The following NLRP8 variants were observed in gnomAD, a reference collection of about 807,000 sequenced individuals.
NLRP8 encodes NACHT, LRR and PYD domains-containing protein 8.
A neutral mutation model predicts 88.7 loss-of-function variants in NLRP8; 86 were observed. The ratio of observed to expected loss-of-function variants is 0.97; its 90% confidence interval spans 0.81 to 1.16. The LOEUF is 1.16. NLRP8 is among the 50% of genes most tolerant of loss of function. The pLI is 0.00. For synonymous variants in NLRP8, 504 were observed against 494.6 expected (o/e 1.02, Z -0.25); for missense variants, 1,342 against 1,286.5 (o/e 1.04, Z -0.66).
chr19:55,953,273 C>A (rs543221456), intron 2 of NLRP8, among the ~76,000 whole-genome samples: 3 of 152,022 alleles, frequency 2.0e-5, no homozygotes, highest in African/African-American at 7.3e-5. Context: ...CATCGAGTTG[C>A]GGGAAAACAA....
In NLRP8 at chr19:55,987,828, G is replaced by A. The variant is rs771931664; in HGVS notation, c.3062G>A (p.Trp1021Ter). 8.1e-6 allele frequency: 13 copies of A among 1,613,648 alleles called. No homozygotes were observed. In the East Asian group the frequency reaches 2.5e-4, roughly 30 times the overall value. Residue 1021 changes from tryptophan to a stop codon, truncating the protein, a stop_gained, in exon 10 of 10, where the codon TGG becomes TAG. Coordinates refer to ENST00000291971, the MANE Select transcript of NLRP8 (RefSeq NM_176811.2). LOFTEE classifies it low-confidence loss of function (END_TRUNC). ...CCTCCCTCCAGCTGTATTCCTGCCT[G>A]GACTCGAATAACTAGCTTCTCCCCA...
rs1054409371 is a variant in NLRP8, at chr19:55,954,850, G to A, written c.792G>A (p.Trp264Ter). 1 of 1,614,180 alleles carries A rather than the reference G, an allele frequency of 6.2e-7. No homozygotes were observed. Residue 264 changes from tryptophan (W) to a stop codon, truncating the protein, a stop_gained, in exon 3 of 10, where the codon TGG becomes TGA. Coordinates refer to ENST00000291971, the MANE Select transcript of NLRP8 (RefSeq NM_176811.2). LOFTEE classifies it high-confidence loss of function. ...TCTCCGAGCTGATTGAGCAAAAGTG[G>A]CCTGGATCTCAGGACCTCGTGTCAA...
At chr19:55,957,927 T>C (rs1039582944) in intron 3 of NLRP8, among the ~76,000 whole-genome samples, 1 of 152,064 alleles carries the variant, frequency 6.6e-6, no homozygotes, top group African/African-American at 2.4e-5. Context: ...CACTGACTAC[T>C]CATTTCTTCA....
intron 7 of NLRP8, 117 bp from the exon 8 acceptor site, chr19:55,976,016 A>G: frequency 9.6e-7 from 1 of 1,046,478 alleles, no homozygotes. Flanking sequence ...AAACAAACAA[A>G]TAAAAACAGA....
rs1268701055 is a variant in NLRP8, at chr19:55,979,350, T to C, written c.2877-44T>C. On this transcript the variant is annotated intron_variant, in intron 8 of 9. Coordinates refer to ENST00000291971, the MANE Select transcript of NLRP8 (RefSeq NM_176811.2). ...ACACCGGCTGAGCTCTCAGATGAGT[T>C]GTGATGACTTCTCTGCTGTCTGCTG... 4 of 1,607,068 alleles carry C rather than the reference T, an allele frequency of 2.5e-6. No individual in the cohort carries two copies. The African/African-American group carries it at 4.0e-5, about 16-fold the overall frequency.
At chr19:55,976,904 C>T (rs1484140677) in intron 8 of NLRP8, among the ~76,000 whole-genome samples, 1 of 150,086 alleles carries the variant, frequency 6.7e-6, no homozygotes, top group Non-Finnish European at 1.5e-5. Context: ...CACGGTGAAA[C>T]CATGTCTGTA....
Position 55,988,184 on chromosome 19 carries a change from G to T in NLRP8, c.*271G>T. The T allele has an allele frequency of 4.3e-6, 1 of 230,586 alleles. No individual in the cohort carries two copies. Among genetic ancestry groups the T allele is most frequent in the Non-Finnish European group, 8.5e-6 (1 of 117,070 alleles). 14.3% of individuals were successfully genotyped at this position (230,586 alleles called of 1,614,324 possible). A position where few individuals can be genotyped will look rare whatever the true frequency, so the allele number is the denominator to read the frequency against. On this transcript the variant is annotated 3_prime_UTR_variant, in exon 10 of 10. Transcript: ENST00000291971. ...AGGTGGGCAGATTACCTGAGGTCAG[G>T]AGTTCCAGACCAGCCTGGCCAACAT...
At chr19:55,965,296 C>T (rs1422112703) in intron 4 of NLRP8, among the ~76,000 whole-genome samples, 1 of 151,866 alleles carries the variant, frequency 6.6e-6, no homozygotes, top group African/African-American at 2.4e-5. Flanking sequence ...ATTAAAAATA[C>T]AAAAATTAGC....
At chr19:55,959,974 T>TG (rs1336061951) in intron 3 of NLRP8, among the ~76,000 whole-genome samples, 1 of 152,148 alleles carries the variant, frequency 6.6e-6, no homozygotes, top group South Asian at 2.1e-4. Context: ...CATGGAGGCT[T>TG]GGGGGGTTCT....
chr19:55,968,926 T>C (rs918928736), intron 5 of NLRP8, among the ~76,000 whole-genome samples: 1 of 152,110 alleles, frequency 6.6e-6, no homozygotes, highest in East Asian at 1.9e-4. Context: ...CATGGTGCAC[T>C]ACTCTGCACC....
intron 6 of NLRP8, among the ~76,000 whole-genome samples, chr19:55,971,657 A>G (rs1980079039): frequency 7.9e-6 from 1 of 126,668 alleles, no homozygotes; most frequent in South Asian, 2.5e-4. Context: ...ACACAGACAC[A>G]CACACACACG....
chr19:55,963,303 C>T (rs1457454233), intron 4 of NLRP8, among the ~76,000 whole-genome samples: 2 of 152,168 alleles, frequency 1.3e-5, no homozygotes, highest in African/African-American at 2.4e-5. Flanking sequence ...TGTGACCCAC[C>T]ATGCCCAGCC....
chr19:55,962,892 A>G (rs1313016515), intron 4 of NLRP8, among the ~76,000 whole-genome samples: 1 of 152,178 alleles, frequency 6.6e-6, no homozygotes, highest in African/African-American at 2.4e-5. Context: ...GAATCAGCAC[A>G]CTGTGTAATC....
intron 2 of NLRP8, 123 bp from the exon 3 acceptor site, chr19:55,954,378 C>A: frequency 1.0e-6 from 1 of 970,278 alleles, no homozygotes; most frequent in Non-Finnish European, 1.5e-6. Context: ...AAGGTTATTT[C>A]ATTTATGCAA....
At chr19:55,977,272 A>G (rs1317041656) in intron 8 of NLRP8, among the ~76,000 whole-genome samples, 1 of 146,070 alleles carries the variant, frequency 6.8e-6, no homozygotes, top group Non-Finnish European at 1.5e-5. Flanking sequence ...GTACACATAT[A>G]TGTACAGACA....
At chr19:55,979,624 A>T in intron 9 of NLRP8, 60 bp downstream of exon 9, 3 of 1,579,186 alleles carry the variant, frequency 1.9e-6, no homozygotes, top group Non-Finnish European at 2.6e-6. Context: ...TCCTTGTAAA[A>T]CGTGAGATGC....
At chr19:55,984,042 C>T (rs1980691629) in intron 9 of NLRP8, among the ~76,000 whole-genome samples, 1 of 152,090 alleles carries the variant, frequency 6.6e-6, no homozygotes, top group Admixed American at 6.6e-5. Flanking sequence ...ACCACTATTA[C>T]AACTTTTATT....
intron 9 of NLRP8, among the ~76,000 whole-genome samples, chr19:55,986,624 A>T (rs1010137994): frequency 6.6e-6 from 1 of 152,232 alleles, no homozygotes; most frequent in African/African-American, 2.4e-5. Context: ...TGGTGCACAC[A>T]GGTGCAGAAA....
At chr19:55,984,088 G>A (rs1980693335) in intron 9 of NLRP8, among the ~76,000 whole-genome samples, 1 of 53,056 alleles carries the variant, frequency 1.9e-5, no homozygotes, top group Non-Finnish European at 4.7e-5. Flanking sequence ...AGTGTAACAG[G>A]GCAACAAGAG....
Sources: gnomAD v4.1 joint callset for allele counts (sites outside exome capture counted in the v4.1 genomes callset) on GRCh38, gnomAD v4.1.1 for gene constraint, MANE v1.5 for transcripts, NCBI Gene and HGNC (gene_info 2026-07-23, HGNC 2026-07-21) for gene names.